Variants in GLRB observed in about 807,000 individuals in gnomAD.
The protein encoded by GLRB is glycine receptor beta.
In GLRB, 33 loss-of-function variants were observed where a neutral mutation model predicts 54.2. The observed-to-expected ratio is 0.61, with a 90% CI of 0.46 to 0.81. The LOEUF (loss-of-function observed/expected upper bound fraction) is 0.81. Ranked by LOEUF, GLRB falls within the 40% of genes least tolerant of loss-of-function variation. The pLI is 0.00. For synonymous variants in GLRB, 209 were observed against 208.2 expected, an observed-to-expected ratio of 1.00 and a Z score of -0.03; for missense variants, 572 against 584.6, an observed-to-expected ratio of 0.98 and a Z score of 0.22.
chr4:157,170,967 C>G lies in GLRB; in HGVS notation c.*239C>G. ...ATATTGCTTAGTAACAAATGAAGGA[C>G]AAGCATACTACATAATATAATCCAT... On this transcript the variant is annotated 3_prime_UTR_variant, in exon 10 of 10. Transcript: ENST00000264428. The G allele has an allele frequency of 2.7e-6, 1 of 369,644 alleles. No homozygotes were observed. The highest frequency in any genetic ancestry group is 4.5e-5 in the East Asian group (1 of 22,458). 22.9% of individuals were successfully genotyped at this position (369,644 alleles called of 1,614,324 possible).
chr4:157,101,365 T>C (rs1735018850), intron 2 of GLRB, among the ~76,000 whole-genome samples: 1 of 152,138 alleles, frequency 6.6e-6, no homozygotes, highest in Non-Finnish European at 1.5e-5. Context: ...TTTTATCTTC[T>C]AGGTGTTCAT....
At chr4:157,106,369 G>A (rs1379739744) in intron 2 of GLRB, among the ~76,000 whole-genome samples, 1 of 152,078 alleles carries the variant, frequency 6.6e-6, no homozygotes, top group Non-Finnish European at 1.5e-5. Context: ...GAATGTGCAT[G>A]TTGATGAGAT....
At chr4:157,132,420 T>A (rs1465308787) in intron 4 of GLRB, among the ~76,000 whole-genome samples, 2 of 151,970 alleles carry the variant, frequency 1.3e-5, no homozygotes, top group East Asian at 1.9e-4. Context: ...GTATTGTTGA[T>A]GAAACTGATT....
chr4:157,137,560 CAG>C (rs1375263274), intron 6 of GLRB, among the ~76,000 whole-genome samples: 1 of 151,162 alleles, frequency 6.6e-6, no homozygotes, highest in Non-Finnish European at 1.5e-5. Context: ...TCTATTTCTT[CAG>C]AGAGTAAAGA....
At chr4:157,127,426 G>A (rs575651738) in intron 4 of GLRB, among the ~76,000 whole-genome samples, 1 of 151,576 alleles carries the variant, frequency 6.6e-6, no homozygotes, top group Non-Finnish European at 1.5e-5. Flanking sequence ...CTGAATAATG[G>A]CCCCCTAAAG....
intron 9 of GLRB, among the ~76,000 whole-genome samples, chr4:157,166,668 T>A (rs1222701488): frequency 6.6e-6 from 1 of 152,118 alleles, no homozygotes; most frequent in African/African-American, 2.4e-5. Flanking sequence ...AATACAAGAA[T>A]CTTCAAATAT....
chr4:157,115,324 A>C (rs1168398219), intron 2 of GLRB, among the ~76,000 whole-genome samples: 2 of 150,164 alleles, frequency 1.3e-5, no homozygotes, highest in Admixed American at 6.7e-5. Flanking sequence ...TTAAAAAAAA[A>C]TTGTCTTCTC....
chr4:157,088,551 A>G (rs890588630), intron 2 of GLRB, among the ~76,000 whole-genome samples: 1 of 152,114 alleles, frequency 6.6e-6, no homozygotes. Context: ...TGTTCCTTTC[A>G]GTGTTAGCAT....
intron 4 of GLRB, among the ~76,000 whole-genome samples, chr4:157,134,728 C>CT (rs2126562111): frequency 6.6e-6 from 1 of 152,156 alleles, no homozygotes; most frequent in South Asian, 2.1e-4. Flanking sequence ...ATTTTATTTT[C>CT]TATCCATCCC....
intron 2 of GLRB, among the ~76,000 whole-genome samples, chr4:157,088,786 C>G (rs1035098186): frequency 6.6e-6 from 1 of 152,082 alleles, no homozygotes; most frequent in Non-Finnish European, 1.5e-5. Context: ...AAATTTTCTT[C>G]GTTTCTTTGG....
intron 9 of GLRB, among the ~76,000 whole-genome samples, chr4:157,161,552 C>T (rs1165535367): frequency 6.6e-6 from 1 of 152,112 alleles, no homozygotes; most frequent in Non-Finnish European, 1.5e-5. Flanking sequence ...TCAGCATTTG[C>T]TTGTCTGTAA....
intron 9 of GLRB, among the ~76,000 whole-genome samples, chr4:157,165,974 G>T (rs1737692926): frequency 6.6e-6 from 1 of 151,956 alleles, no homozygotes; most frequent in Admixed American, 6.6e-5. Flanking sequence ...GTCTGTAGAG[G>T]ATGCCATTAT....
At chr4:157,108,296 T>G (rs1461582882) in intron 2 of GLRB, among the ~76,000 whole-genome samples, 1 of 152,168 alleles carries the variant, frequency 6.6e-6, no homozygotes, top group Non-Finnish European at 1.5e-5. Context: ...TCATAGATAG[T>G]AATTCCCCTG....
At chr4:157,101,572 C>G (rs939296561) in intron 2 of GLRB, among the ~76,000 whole-genome samples, 1 of 152,054 alleles carries the variant, frequency 6.6e-6, no homozygotes, top group Admixed American at 6.6e-5. Flanking sequence ...AAGACTAATT[C>G]GGATGAGATT....
At chr4:157,157,016 G>A (rs1319501865) in intron 9 of GLRB, among the ~76,000 whole-genome samples, 2 of 152,156 alleles carry the variant, frequency 1.3e-5, no homozygotes, top group African/African-American at 4.8e-5. Flanking sequence ...CACTTCGTCA[G>A]GGTAGAGCTC....
intron 2 of GLRB, among the ~76,000 whole-genome samples, chr4:157,118,969 A>G (rs931555171): frequency 4.6e-5 from 7 of 151,590 alleles, no homozygotes; most frequent in Admixed American, 2.6e-4. Context: ...TATTATGCAT[A>G]AGACTTTATG....
At chr4:157,118,364 C>A (rs1735682841) in intron 2 of GLRB, among the ~76,000 whole-genome samples, 2 of 151,618 alleles carry the variant, frequency 1.3e-5, no homozygotes, top group Non-Finnish European at 3.0e-5. Context: ...ATCCTAATAT[C>A]CAATTTTCCC....
At chr4:157,127,909 A>G (rs1736072448) in intron 4 of GLRB, among the ~76,000 whole-genome samples, 1 of 151,906 alleles carries the variant, frequency 6.6e-6, no homozygotes, top group South Asian at 2.1e-4. Context: ...GTGGTGCTTG[A>G]AGCCACTATT....
chr4:157,100,527 C>T (rs189373757), intron 2 of GLRB, among the ~76,000 whole-genome samples: 1 of 152,158 alleles, frequency 6.6e-6, no homozygotes, highest in Admixed American at 6.5e-5. Flanking sequence ...TAGTCTTGTT[C>T]TTCTCTAGTA....
Sources: allele counts gnomAD v4.1 joint callset (sites outside exome capture counted in the v4.1 genomes callset), GRCh38; gene constraint gnomAD v4.1.1; transcripts MANE v1.5; gene names NCBI Gene and HGNC (gene_info 2026-07-23, HGNC 2026-07-21).